The following SPATA9 variants were observed in gnomAD, a reference collection of about 807,000 sequenced individuals.
SPATA9 encodes the protein spermatogenesis associated 9, also known as spermatogenesis-associated protein 9.
SPATA9 carries 27 observed loss-of-function variants against 25.5 expected under a neutral mutation model. The observed-to-expected ratio is 1.06, with a 90% CI of 0.78 to 1.46. The LOEUF is 1.46. Among genes scored for constraint, SPATA9 ranks in the 40% most tolerant of loss-of-function variants. SPATA9 has a pLI of 0.00. For missense variants in SPATA9, 282 were observed against 297.5 expected (o/e 0.95, Z 0.38); for synonymous variants, 102 against 105.7 (o/e 0.97, Z 0.21).
chr5:95,685,069 G>A (rs1451856171), upstream of SPATA9, among the ~76,000 whole-genome samples: 1 of 152,214 alleles, frequency 6.6e-6, no homozygotes, highest in Non-Finnish European at 1.5e-5. Context: ...CTGGGTTTGA[G>A]TTTCAATTCT....
chr5:95,711,559 G>T, the SPATA9 span, among the ~76,000 whole-genome samples: 2 of 152,194 alleles, frequency 1.3e-5, no homozygotes, highest in African/African-American at 4.8e-5. Context: ...TCCTCCCGCC[G>T]CGGCCGCAGT....
chr5:95,692,490 T>C (rs1753918223), intron 1 of SPATA9, among the ~76,000 whole-genome samples: 1 of 152,110 alleles, frequency 6.6e-6, no homozygotes, highest in Non-Finnish European at 1.5e-5. Flanking sequence ...ATTTTTAGTC[T>C]TCTGGATCTA....
chr5:95,675,741 GGTGT>G, intron 2 of SPATA9, 102 bp from the exon 3 acceptor site: 10 of 882,542 alleles, frequency 1.1e-5, no homozygotes, highest in African/African-American at 1.7e-5. Context: ...CATTGTGCAT[GGTGT>G]CATGCATATA....
At chr5:95,707,934 T>TA in the SPATA9 span, among the ~76,000 whole-genome samples, 1 of 152,220 alleles carries the variant, frequency 6.6e-6, no homozygotes, top group African/African-American at 2.4e-5. Context: ...TCCTCAGTTA[T>TA]AACAAGGGGG....
At chr5:95,668,912 CA>C (rs931556427) in intron 3 of SPATA9, among the ~76,000 whole-genome samples, 1 of 152,114 alleles carries the variant, frequency 6.6e-6, no homozygotes, top group African/African-American at 2.4e-5. Flanking sequence ...TTACATTGTC[CA>C]AAACCACCCT....
chr5:95,674,683 T>G (rs181582423), intron 3 of SPATA9: 1 of 445,034 alleles, frequency 2.2e-6, no homozygotes, highest in African/African-American at 2.0e-5. Context: ...ATCGTTTGAA[T>G]ACCTGTATCC....
intron 3 of SPATA9, among the ~76,000 whole-genome samples, chr5:95,666,392 A>C (rs916733790): frequency 1.3e-5 from 2 of 152,186 alleles, no homozygotes; most frequent in Non-Finnish European, 2.9e-5. Flanking sequence ...ATCTTGGACA[A>C]ATTAATTCTT....
At chr5:95,717,470 G>GTA in the SPATA9 span, 1 of 152,054 alleles carries the variant, frequency 6.6e-6, no homozygotes, top group Admixed American at 6.6e-5. Context: ...GTATATGTTT[G>GTA]TATATACACA....
downstream of SPATA9, chr5:95,657,748 A>G (rs1350474651): frequency 6.6e-6 from 1 of 152,176 alleles, no homozygotes; most frequent in Non-Finnish European, 1.5e-5. Flanking sequence ...CCAACGAACC[A>G]GACTTGGGCT....
At chr5:95,652,955 CTTCAG>C, downstream of SPATA9, 1 of 930,068 alleles carries the variant, frequency 1.1e-6, no homozygotes, top group South Asian at 1.9e-5. Flanking sequence ...GCTTTATACT[CTTCAG>C]TGGCTTTCCT....
downstream of SPATA9, chr5:95,654,404 A>C (rs1295368666): frequency 7.6e-7 from 1 of 1,315,806 alleles, no homozygotes. Flanking sequence ...CAAATTCAGC[A>C]AATAAATATA....
At chr5:95,691,088 C>T (rs1280550482) in intron 1 of SPATA9, among the ~76,000 whole-genome samples, 3 of 151,914 alleles carry the variant, frequency 2.0e-5, no homozygotes, top group Non-Finnish European at 2.9e-5. Flanking sequence ...TGGTGGCGGG[C>T]GCCTGTAGTA....
upstream of SPATA9, among the ~76,000 whole-genome samples, chr5:95,683,880 C>A (rs1184072916): frequency 1.3e-5 from 2 of 152,140 alleles, no homozygotes; most frequent in African/African-American, 4.8e-5. Flanking sequence ...AGTTGGTTAA[C>A]CTGAATCCCA....
rs1197129136 is a variant in SPATA9 at position 95,673,175 on chromosome 5, A to AAAG, written c.378+2234_378+2236dup. Reference sequence around the variant, plus strand: ...GGGAGATGTGCCAGTGTCCCTATAAAAAGTCCCCAGGGTCTCCTGATTTCA... The same window carrying AAAG: ...GGGAGATGTGCCAGTGTCCCTATAAAAAGAAGTCCCCAGGGTCTCCTGATTTCA... On this transcript the variant is annotated intron_variant, in intron 3 of 4. Coordinates refer to ENST00000274432, the MANE Select transcript of SPATA9 (RefSeq NM_031952.4). Among the ~76,000 whole-genome samples, 5 of 152,202 alleles carry AAAG rather than the reference A, an allele frequency of 3.3e-5. 1 individual carries two copies. The highest frequency in any genetic ancestry group is 1.2e-4 in the African/African-American group (5 of 41,514).
chr5:95,692,127 C>T (rs186314799), intron 1 of SPATA9, among the ~76,000 whole-genome samples: 13 of 151,590 alleles, frequency 8.6e-5, no homozygotes, highest in African/African-American at 2.9e-4. Flanking sequence ...TGGTCTATGG[C>T]TTTTTTTTGT....
Position 95,675,572 on chromosome 5 carries a change from G to C in SPATA9, c.218C>G (p.Ala73Gly). 1 of 1,614,080 alleles carries C rather than the reference G, an allele frequency of 6.2e-7. No individual in the cohort carries two copies. Among genetic ancestry groups the C allele is most frequent in the Non-Finnish European group, 8.5e-7 (1 of 1,180,002 alleles). ...MAIALAKINR[A>G]TLIRGLNSIS... Reference sequence around the variant, plus strand: ...GCTGTTTAATCCACGAATTAATGTTGCTCGATTAATCTTAGCTAAAGCAAT... The same window carrying C: ...GCTGTTTAATCCACGAATTAATGTTCCTCGATTAATCTTAGCTAAAGCAAT... The change falls in exon 3 of 5, where the codon GCA becomes GGA. Residue 73 changes from alanine to glycine, a missense_variant. Ala to Gly is a moderately conservative substitution (Grantham distance 60). Coordinates refer to ENST00000274432, the MANE Select transcript of SPATA9 (RefSeq NM_031952.4).
chr5:95,660,099 A>C (rs1751128040), intron 4 of SPATA9, among the ~76,000 whole-genome samples: 1 of 152,144 alleles, frequency 6.6e-6, no homozygotes, highest in Admixed American at 6.5e-5. Flanking sequence ...AGTAGCTTAC[A>C]AACAATAGAA....
At chr5:95,654,682 AGC>A (rs1021919213), downstream of SPATA9, among the ~76,000 whole-genome samples, 8 of 152,216 alleles carry the variant, frequency 5.3e-5, no homozygotes, top group Non-Finnish European at 1.2e-4. Flanking sequence ...ATTATGATAC[AGC>A]CATGCTGTGG....
chr5:95,660,170 G>A (rs1030830130), intron 4 of SPATA9, among the ~76,000 whole-genome samples: 2 of 152,058 alleles, frequency 1.3e-5, no homozygotes, highest in Non-Finnish European at 2.9e-5. Flanking sequence ...GCAGATTCAG[G>A]GTCTGGTGAG....
Sources: allele counts gnomAD v4.1 joint callset (sites outside exome capture counted in the v4.1 genomes callset), GRCh38; gene constraint gnomAD v4.1.1; transcripts MANE v1.5; gene names NCBI Gene and HGNC (gene_info 2026-07-23, HGNC 2026-07-21).